CDHR3: variants seen among roughly 807,000 people sequenced by gnomAD.
The protein encoded by CDHR3 is cadherin related family member 3.
CDHR3 carries 79 observed loss-of-function variants against 86.6 expected under a neutral mutation model. The ratio of observed to expected loss-of-function variants is 0.91; its 90% CI spans 0.76 to 1.10. The LOEUF (loss-of-function observed/expected upper bound fraction) is 1.10, where lower values mean the gene tolerates loss of function less well. Ranked by LOEUF, CDHR3 falls within the 50% of genes least tolerant of loss-of-function variation. The pLI is 0.00. For synonymous variants in CDHR3, 421 were observed against 402.4 expected (o/e 1.05, Z -0.55); for missense variants, 1,081 against 1,077.6 (o/e 1.00, Z -0.04).
intron 6 of CDHR3, 44 bp from the exon 7 acceptor site, chr7:106,001,418 C>T (rs766065955): frequency 1.0e-5 from 16 of 1,607,170 alleles, no homozygotes; most frequent in African/African-American, 1.3e-5. Flanking sequence ...GCTACCTTCC[C>T]GTGCCCCTGG....
chr7:106,024,701 A>AC (rs1345372768), intron 15 of CDHR3, 139 bp downstream of exon 15: 13 of 844,208 alleles, frequency 1.5e-5, no homozygotes, highest in Non-Finnish European at 1.8e-6. Flanking sequence ...AAAAGGAGAT[A>AC]CGGGGGAAGG....
chr7:105,984,299 C>T lies in CDHR3; in HGVS notation c.513+10C>T. ...AAACATTCCCCTCAGTGTAAGTGTC[C>T]TTATATGGAAGAGGTGGTGTTTGTC... is the stretch of plus-strand genomic sequence containing the variant. On this transcript the variant is annotated intron_variant, in intron 4 of 18. Transcript: ENST00000317716. 1.9e-6 allele frequency: 3 copies of T among 1,592,958 alleles called. No homozygotes were observed. Among genetic ancestry groups the T allele is most frequent in the Non-Finnish European group, 2.6e-6 (3 of 1,164,404 alleles).
intron 4 of CDHR3, among the ~76,000 whole-genome samples, chr7:105,985,268 G>A (rs567029053): frequency 2.0e-5 from 3 of 152,242 alleles, no homozygotes; most frequent in Admixed American, 1.3e-4. Context: ...GGGAGTGGAC[G>A]CCTCAGCTCC....
chr7:105,973,516 G>A (rs538494541), intron 1 of CDHR3, among the ~76,000 whole-genome samples: 1 of 152,262 alleles, frequency 6.6e-6, no homozygotes, highest in South Asian at 2.1e-4. Flanking sequence ...GCTTGTAGCT[G>A]CATCACTCGT....
At chr7:105,969,193 G>C (rs1477475177) in intron 1 of CDHR3, among the ~76,000 whole-genome samples, 6 of 150,046 alleles carry the variant, frequency 4.0e-5, no homozygotes, top group Admixed American at 6.6e-5. Flanking sequence ...TCAGGAGATC[G>C]AGACCATCCT....
chr7:105,994,703 G>A (rs747061436), intron 4 of CDHR3, 48 bp from the exon 5 acceptor site: 4 of 1,233,072 alleles, frequency 3.2e-6, no homozygotes, highest in East Asian at 2.4e-5. Flanking sequence ...TCTGGGGAAG[G>A]GTGGGCAGGT....
intron 8 of CDHR3, among the ~76,000 whole-genome samples, chr7:106,007,850 C>T (rs1563278287): frequency 6.6e-6 from 1 of 152,146 alleles, no homozygotes; most frequent in African/African-American, 2.4e-5. Context: ...CTATTGGTAC[C>T]AATTTACTGG....
chr7:106,015,219 T>A lies in CDHR3; in HGVS notation c.1327+6T>A. 1 of 1,597,000 alleles carries A rather than the reference T, an allele frequency of 6.3e-7. No individual in the cohort carries two copies. The highest frequency in any genetic ancestry group is 1.3e-5 in the African/African-American group (1 of 74,618). ...GGCCCCCCCTTACTATAAAAGCAAG[T>A]ATCATTTTGTTTTATTTCATGATTG... On this transcript the variant is annotated splice_donor_region_variant and intron_variant, in intron 10 of 18. Coordinates refer to ENST00000317716, the MANE Select transcript of CDHR3 (RefSeq NM_152750.5).
At position 105,968,270 on chromosome 7, in the gene CDHR3, T is replaced by C. The variant is rs61419518; in HGVS notation, c.46+4906T>C. ...GTATATATTGTGGAAATTAAAGAAA[T>C]AGGAAAAAGTTGCATATGTTGAAAC... On this transcript the variant is annotated intron_variant, in intron 1 of 18. Transcript: ENST00000317716. Among the ~76,000 whole-genome samples, 900 of 152,314 alleles carry C rather than the reference T, an allele frequency of 5.9e-3. 16 individuals carry two copies. The highest frequency in any genetic ancestry group is 0.02 in the African/African-American group (852 of 41,570).
chr7:106,000,290 C>T (rs536456432), intron 6 of CDHR3, among the ~76,000 whole-genome samples: 66 of 152,332 alleles, frequency 4.3e-4, no homozygotes, highest in Non-Finnish European at 1.5e-5. Context: ...TGTGGGGGGA[C>T]CCTGGATCCA....
At chr7:105,976,031 C>T (rs1225253314) in intron 2 of CDHR3, among the ~76,000 whole-genome samples, 1 of 152,154 alleles carries the variant, frequency 6.6e-6, no homozygotes. Context: ...CTGGGGGAGC[C>T]CTCGGGGAGG....
chr7:106,027,640 A>C (rs1391353435), intron 16 of CDHR3: 1 of 454,760 alleles, frequency 2.2e-6, no homozygotes, highest in Admixed American at 2.4e-5. Flanking sequence ...CAGGACAAAG[A>C]ATTGGACAGT....
intron 8 of CDHR3, among the ~76,000 whole-genome samples, chr7:106,008,393 G>C (rs527655243): frequency 1.5e-4 from 23 of 152,154 alleles, no homozygotes; most frequent in African/African-American, 5.6e-4. Flanking sequence ...TGGCTTCCCT[G>C]GGCCTAGTGG....
chr7:105,969,167 C>G (rs1259163664), intron 1 of CDHR3, among the ~76,000 whole-genome samples: 1 of 150,658 alleles, frequency 6.6e-6, no homozygotes. Flanking sequence ...GAGGCCGAGG[C>G]GGGCGGATCA....
chr7:105,971,602 A>T (rs1402518941), intron 1 of CDHR3, among the ~76,000 whole-genome samples: 1 of 152,208 alleles, frequency 6.6e-6, no homozygotes, highest in East Asian at 1.9e-4. Context: ...TATCAAAGTT[A>T]TGATCAATTC....
chr7:106,033,452 G>A lies in CDHR3; in HGVS notation c.*755G>A, dbSNP rs1838653754. The A allele has an allele frequency of 6.6e-6, 1 of 152,170 alleles. No homozygotes were observed. The highest frequency in any genetic ancestry group is 6.5e-5 in the Admixed American group (1 of 15,280). The allele number at this position is 152,170 out of a possible 1,614,324, so 9.4% of individuals were successfully genotyped here. ...TTACTTTTAAAAAATATACTTAAAAGTGAACTACAGGCAGGGCATGATGGC... is the reference window on the plus strand; with the variant it reads ...TTACTTTTAAAAAATATACTTAAAAATGAACTACAGGCAGGGCATGATGGC... On this transcript the variant is annotated 3_prime_UTR_variant, in exon 19 of 19. Coordinates refer to ENST00000317716, the MANE Select transcript of CDHR3 (RefSeq NM_152750.5).
chr7:106,030,527 T>C lies in CDHR3; in HGVS notation c.2305-265T>C, dbSNP rs1291187371. 6.6e-6 allele frequency among the ~76,000 whole-genome samples: 1 copy of C among 152,232 alleles called. No individual in the cohort carries two copies. The highest frequency in any genetic ancestry group is 1.5e-5 in the Non-Finnish European group (1 of 68,040). The stretch of plus-strand genomic sequence containing the variant: ...TTTAAATGTCCCCTCTACCCCTACC[T>C]GTGCCCCATAACACCCTATATCTCC... On this transcript the variant is annotated intron_variant, in intron 17 of 18. Coordinates refer to ENST00000317716, the MANE Select transcript of CDHR3 (RefSeq NM_152750.5). The surrounding 1 kb of genome is among the most constrained non-coding windows in gnomAD (Gnocchi z 4.8).
chr7:106,005,451 T>C (rs1256706652), intron 8 of CDHR3, among the ~76,000 whole-genome samples: 1 of 152,214 alleles, frequency 6.6e-6, no homozygotes, highest in Non-Finnish European at 1.5e-5. Context: ...TTCCAGCCAG[T>C]CTCTGGTCTC....
intron 1 of CDHR3, among the ~76,000 whole-genome samples, chr7:105,964,109 A>G (rs1826479559): frequency 6.6e-6 from 1 of 152,148 alleles, no homozygotes; most frequent in Non-Finnish European, 1.5e-5. Flanking sequence ...AATGTTAGTG[A>G]GTATTATTTA....
Sources: gnomAD v4.1 joint callset for allele counts (sites outside exome capture counted in the v4.1 genomes callset) on GRCh38, gnomAD v4.1.1 for gene constraint, Gnocchi (gnomAD v3.1) non-coding constraint, MANE v1.5 for transcripts, NCBI Gene and HGNC (gene_info 2026-07-23, HGNC 2026-07-21) for gene names.